Variants in AKAP9 observed in about 807,000 individuals in gnomAD.
The protein encoded by AKAP9 is A-kinase anchoring protein 9.
AKAP9 carries 311 observed loss-of-function variants against 488.5 expected under a neutral mutation model. That is an observed-to-expected ratio of 0.64 (90% CI 0.58 to 0.70). The LOEUF (loss-of-function observed/expected upper bound fraction) is 0.70. Among genes scored for constraint, AKAP9 ranks in the 30% least tolerant of loss-of-function variants. AKAP9 has a pLI of 0.00. For missense variants in AKAP9, 4,215 were observed against 4,374.5 expected, an observed-to-expected ratio of 0.96 and a Z score of 1.03; for synonymous variants, 1,462 against 1,483.5, an observed-to-expected ratio of 0.99 and a Z score of 0.33.
chr7:92,026,493 C>T (rs1489504399), intron 14 of AKAP9, among the ~76,000 whole-genome samples: 2 of 152,114 alleles, frequency 1.3e-5, no homozygotes, highest in African/African-American at 4.8e-5. Context: ...CGCCGCCACG[C>T]CTGACTGGTT....
rs1438917345 is a variant in AKAP9 at position 92,042,148 on chromosome 7, C to T, written c.5020C>T (p.Leu1674=). Residue 1674 remains leucine (L), a synonymous_variant, in exon 19 of 50, where the codon CTG becomes TTG. Transcript: ENST00000356239. ...GCTGTCTTTAGCTGGAAGAGAGAAG[C>T]TGTGTTGTGAGCTGCGCAACAGCAG... The part of the protein sequence containing the change: ...KQLSLAGREK[L]CCELRNSSTQ... 6.2e-7 allele frequency: 1 copy of T among 1,613,994 alleles called. No homozygotes were observed. Among genetic ancestry groups the T allele is most frequent in the East Asian group, 2.2e-5 (1 of 44,872 alleles).
intron 32 of AKAP9, 139 bp downstream of exon 32, chr7:92,082,801 T>C (rs528856973): frequency 9.3e-7 from 1 of 1,072,852 alleles, no homozygotes. Context: ...TGATGAAAAC[T>C]TTCATTGTTA....
chr7:91,948,964 T>C (rs896312698), intron 1 of AKAP9, among the ~76,000 whole-genome samples: 3 of 152,122 alleles, frequency 2.0e-5, no homozygotes, highest in African/African-American at 7.2e-5. Flanking sequence ...TTGGCCAGGC[T>C]GGTCTTGAAC....
At chr7:92,071,919 C>CATA (rs1234058671) in intron 28 of AKAP9, among the ~76,000 whole-genome samples, 1 of 152,148 alleles carries the variant, frequency 6.6e-6, no homozygotes, top group Non-Finnish European at 1.5e-5. Flanking sequence ...CTCACTATCA[C>CATA]ATAATACTGA....
At chr7:92,096,482 G>T (rs572544995) in intron 40 of AKAP9, among the ~76,000 whole-genome samples, 3 of 152,014 alleles carry the variant, frequency 2.0e-5, no homozygotes, top group Admixed American at 1.3e-4. Flanking sequence ...CTACAGGCAC[G>T]TGCCATTGCA....
rs1799150780 is a variant in AKAP9, at chr7:92,001,312, A to G, written c.1395A>G (p.Thr465=). 6.2e-7 allele frequency: 1 copy of G among 1,614,014 alleles called. No homozygotes were observed. The change falls in exon 8 of 50, where the codon ACA becomes ACG. Residue 465 remains threonine, a synonymous_variant. Transcript: ENST00000356239. ...QHMAQMEEMK[T]RHKGEMENAL... is the part of the protein sequence containing the mutation. ...TGGCACAGATGGAGGAAATGAAAAC[A>G]CGGCATAAGGGAGAAATGGAGAATG...
At chr7:92,005,753 C>T (rs1799754133) in intron 8 of AKAP9, among the ~76,000 whole-genome samples, 1 of 152,144 alleles carries the variant, frequency 6.6e-6, no homozygotes, top group Non-Finnish European at 1.5e-5. Flanking sequence ...ACAACCTCCG[C>T]CTCCCGGGTT....
intron 31 of AKAP9, among the ~76,000 whole-genome samples, chr7:92,080,642 C>T (rs1813384742): frequency 2.6e-5 from 4 of 151,794 alleles, no homozygotes; most frequent in Admixed American, 2.0e-4. Context: ...ACTAAATTTA[C>T]GAGAGTTTAT....
intron 46 of AKAP9, among the ~76,000 whole-genome samples, chr7:92,104,200 T>A (rs1236607977): frequency 6.6e-6 from 1 of 150,514 alleles, no homozygotes; most frequent in East Asian, 1.9e-4. Context: ...ATTTTTTTTT[T>A]TTTTTTTTGA....
At chr7:91,943,767 A>G (rs1406545990) in intron 1 of AKAP9, among the ~76,000 whole-genome samples, 1 of 152,226 alleles carries the variant, frequency 6.6e-6, no homozygotes, top group Non-Finnish European at 1.5e-5. Flanking sequence ...CTTTCCTAGC[A>G]CGGTTGTAAT....
chr7:92,016,233 T>A lies in AKAP9; in HGVS notation c.3717T>A (p.Asp1239Glu). Residue 1239 changes from aspartate to glutamate, a missense_variant, in exon 11 of 50, where the codon GAT becomes GAA. This residue lies in a region of AKAP9 where 2,361 missense variants were observed against 2,430.0 expected (regional missense o/e 0.97). Coordinates refer to ENST00000356239, the MANE Select transcript of AKAP9 (RefSeq NM_005751.5). The stretch of plus-strand genomic sequence containing the variant: ...GTGATTACATTTCTGAAAATGAAGA[T>A]CCAGAATTACAAGATTATAGATATG... ...NSGDYISENEDPELQDYRYEV... is the reference protein window; with the variant it reads ...NSGDYISENEEPELQDYRYEV... 6.4e-7 allele frequency: 1 copy of A among 1,565,854 alleles called. No homozygotes were observed. Among genetic ancestry groups the A allele is most frequent in the East Asian group, 2.2e-5 (1 of 44,492 alleles).
At chr7:91,972,285 T>C (rs1257452446) in intron 1 of AKAP9, among the ~76,000 whole-genome samples, 3 of 152,128 alleles carry the variant, frequency 2.0e-5, no homozygotes, top group Non-Finnish European at 2.9e-5. Flanking sequence ...GCCTTCCCGC[T>C]TTGTCTCTGG....
rs554492981 is a variant in AKAP9, at chr7:92,035,931, G to A, written c.4339-2488G>A. Reference sequence around the variant, plus strand: ...TTTACCCACATTTTTTTTTTAAAAAGGATGTTTACGCTCTAATCCTTTTTG... The same window carrying A: ...TTTACCCACATTTTTTTTTTAAAAAAGATGTTTACGCTCTAATCCTTTTTG... On this transcript the variant is annotated intron_variant, in intron 16 of 49. Transcript: ENST00000356239. 1.8e-3 allele frequency among the ~76,000 whole-genome samples: 275 copies of A among 151,816 alleles called. 1 individual carries two copies. The highest frequency in any genetic ancestry group is 6.2e-3 in the African/African-American group (257 of 41,432).
intron 8 of AKAP9, among the ~76,000 whole-genome samples, chr7:92,011,004 C>G (rs962629060): frequency 2.0e-5 from 3 of 152,084 alleles, no homozygotes; most frequent in Non-Finnish European, 2.9e-5. Flanking sequence ...AAACTAATAA[C>G]TCATAATTTT....
intron 1 of AKAP9, among the ~76,000 whole-genome samples, chr7:91,960,352 T>C (rs1793580665): frequency 6.6e-6 from 1 of 152,176 alleles, no homozygotes; most frequent in African/African-American, 2.4e-5. Flanking sequence ...TGTTCTAGGA[T>C]TGGGGTGTAA....
chr7:92,048,544 T>C (rs1807392225), intron 21 of AKAP9, among the ~76,000 whole-genome samples: 1 of 152,188 alleles, frequency 6.6e-6, no homozygotes, highest in Admixed American at 6.5e-5. Context: ...TGCTCACCTC[T>C]CCCATAGGAG....
chr7:92,105,795 T>C, intron 47 of AKAP9, 32 bp downstream of exon 47: 1 of 1,568,958 alleles, frequency 6.4e-7, no homozygotes, highest in Non-Finnish European at 8.8e-7. Context: ...TTCTTATGTT[T>C]ATGACTCTCT....
At chr7:92,107,156 A>T in intron 47 of AKAP9, 137 bp from the exon 48 acceptor site, 1 of 889,068 alleles carries the variant, frequency 1.1e-6, no homozygotes, top group Non-Finnish European at 1.7e-6. Context: ...TTTATCAAGA[A>T]TAATAGAAAA....
At chr7:91,965,964 A>G (rs1794395362) in intron 1 of AKAP9, among the ~76,000 whole-genome samples, 1 of 151,800 alleles carries the variant, frequency 6.6e-6, no homozygotes, top group Admixed American at 6.6e-5. Flanking sequence ...GTTTGTAGCT[A>G]TTTTCTCCCA....
Sources: gnomAD v4.1 joint callset for allele counts (sites outside exome capture counted in the v4.1 genomes callset) on GRCh38, gnomAD v4.1.1 for gene constraint, gnomAD v4.1.1 regional missense constraint, MANE v1.5 for transcripts, NCBI Gene and HGNC (gene_info 2026-07-23, HGNC 2026-07-21) for gene names.